The following ACOT12 variants were observed in gnomAD, a reference collection of about 807,000 sequenced individuals.
ACOT12 encodes the protein acetyl-coenzyme A thioesterase.
ACOT12 carries 51 observed loss-of-function variants against 67.7 expected under a neutral mutation model. The observed-to-expected ratio is 0.75, with a 90% CI of 0.60 to 0.95. The LOEUF is 0.95. Ranked by LOEUF, ACOT12 falls within the 40% of genes least tolerant of loss-of-function variation. The pLI is 0.00. For missense variants in ACOT12, 734 were observed against 708.1 expected (o/e 1.04, Z -0.41); for synonymous variants, 251 against 244.6 (o/e 1.03, Z -0.24).
At chr5:81,360,835 T>C (rs771911920) in intron 4 of ACOT12, among the ~76,000 whole-genome samples, 16 of 151,952 alleles carry the variant, frequency 1.1e-4, no homozygotes, top group Non-Finnish European at 1.6e-4. Flanking sequence ...CTGAGGTGGG[T>C]GAATCACTTG....
chr5:81,382,027 G>GTA (rs1284396512), intron 2 of ACOT12, among the ~76,000 whole-genome samples: 2 of 151,996 alleles, frequency 1.3e-5, no homozygotes, highest in African/African-American at 4.8e-5. Context: ...TAATTAATGT[G>GTA]TATATACATA....
At chr5:81,366,043 G>T (rs976173348) in intron 3 of ACOT12, among the ~76,000 whole-genome samples, 2 of 152,172 alleles carry the variant, frequency 1.3e-5, no homozygotes, top group Non-Finnish European at 2.9e-5. Flanking sequence ...ACACAGCTGG[G>T]GATCTTTTGA....
chr5:81,365,422 A>G (rs1485747944), intron 3 of ACOT12, among the ~76,000 whole-genome samples: 2 of 152,198 alleles, frequency 1.3e-5, no homozygotes, highest in Admixed American at 6.6e-5. Flanking sequence ...TCAACCCTCA[A>G]TCCCACACAG....
At chr5:81,384,953 T>C (rs530215246) in intron 2 of ACOT12, among the ~76,000 whole-genome samples, 1 of 152,326 alleles carries the variant, frequency 6.6e-6, no homozygotes, top group East Asian at 1.9e-4. Context: ...AACCTAAATA[T>C]GTATGTTTGA....
At chr5:81,333,083 CAACA>C (rs546990454) in intron 12 of ACOT12, among the ~76,000 whole-genome samples, 4 of 133,890 alleles carry the variant, frequency 3.0e-5, no homozygotes, top group African/African-American at 1.3e-4. Context: ...AAAAAAGCCA[CAACA>C]AACAAACAAA....
chr5:81,385,044 C>G (rs1760690835), intron 2 of ACOT12, among the ~76,000 whole-genome samples: 1 of 152,176 alleles, frequency 6.6e-6, no homozygotes, highest in African/African-American at 2.4e-5. Flanking sequence ...ATAATTTACT[C>G]TCTCTACTCA....
chr5:81,387,835 ATGCCCGGCTG>A (rs1362859570), intron 1 of ACOT12, among the ~76,000 whole-genome samples: 1 of 152,226 alleles, frequency 6.6e-6, no homozygotes, highest in Non-Finnish European at 1.5e-5. Context: ...GTGAGCCACC[ATGCCCGGCTG>A]AGTTATCAAT....
At chr5:81,338,638 C>T (rs1580534197) in intron 11 of ACOT12, among the ~76,000 whole-genome samples, 1 of 152,058 alleles carries the variant, frequency 6.6e-6, no homozygotes, top group East Asian at 1.9e-4. Flanking sequence ...AATACGCCAA[C>T]TCAAACGTTT....
At chr5:81,381,228 A>G (rs578089536) in intron 2 of ACOT12, among the ~76,000 whole-genome samples, 5 of 152,158 alleles carry the variant, frequency 3.3e-5, no homozygotes, top group African/African-American at 1.2e-4. Flanking sequence ...CACCACACCC[A>G]GCTAATTTTT....
At position 81,382,617 on chromosome 5, in the gene ACOT12, T is replaced by C. The variant is rs13355076; in HGVS notation, c.197+3140A>G. 9.9e-3 allele frequency among the ~76,000 whole-genome samples: 1,507 copies of C among 151,750 alleles called. 29 individuals are homozygous for C. The highest frequency in any genetic ancestry group is 0.035 in the African/African-American group (1,432 of 41,352). On this transcript the variant is annotated intron_variant, in intron 2 of 14. Transcript: ENST00000307624. The stretch of plus-strand genomic sequence containing the variant: ...TTTGAGACCAGCCTGGCCAACATGA[T>C]GAAACCCCATCTCTACTAAAAAATA...
chr5:81,367,736 T>C (rs114485855), intron 3 of ACOT12, among the ~76,000 whole-genome samples: 1,617 of 152,096 alleles, frequency 0.011, 34 homozygotes, highest in African/African-American at 0.036. Flanking sequence ...GATAATCAAA[T>C]GTAAATAGTT....
rs147070236 is a variant in ACOT12, at chr5:81,345,025, G to A, written c.790C>T (p.Arg264Cys). ...TFQTCVEVGV[R>C]VEAFDCQEWA... ...TCCTGACAGTCAAAGGCCTCCACGC[G>A]AACTCCAACTTCAACACTGTGAAGG... Residue 264 changes from arginine to cysteine, a missense_variant, in exon 8 of 15, where the codon CGC becomes TGC. Transcript: ENST00000307624. The A allele has an allele frequency of 3.1e-3, 5,058 of 1,614,078 alleles. 9 individuals carry two copies. The highest frequency in any genetic ancestry group is 4.0e-3 in the Non-Finnish European group (4,672 of 1,179,986).
At position 81,380,962 on chromosome 5, in the gene ACOT12, G is replaced by A. The variant is rs559078352; in HGVS notation, c.197+4795C>T. ...CCTAGGCTACAAACCTGTAGAGGAT[G>A]TTATTGTGCTGAATACTGTAGGTAA... On this transcript the variant is annotated intron_variant, in intron 2 of 14. Transcript: ENST00000307624. Among the ~76,000 whole-genome samples, 16 of 152,220 alleles carry A rather than the reference G, an allele frequency of 1.1e-4. No individual in the cohort carries two copies. The East Asian group carries it at 1.9e-3, about 18-fold the overall frequency.
At chr5:81,361,309 C>G (rs905465330) in intron 4 of ACOT12, among the ~76,000 whole-genome samples, 3 of 151,354 alleles carry the variant, frequency 2.0e-5, no homozygotes, top group African/African-American at 7.3e-5. Flanking sequence ...AACTCTTGGG[C>G]TCAAGGGATC....
chr5:81,393,156 T>C (rs958247190), intron 1 of ACOT12, among the ~76,000 whole-genome samples: 1 of 152,170 alleles, frequency 6.6e-6, no homozygotes, highest in Non-Finnish European at 1.5e-5. Context: ...AAGGGTGTGG[T>C]AGCAGCAGGG....
chr5:81,361,870 G>T (rs10040901), intron 4 of ACOT12, among the ~76,000 whole-genome samples: 3 of 152,070 alleles, frequency 2.0e-5, no homozygotes, highest in Admixed American at 1.3e-4. Flanking sequence ...TTTTAATCAG[G>T]GTACATTATG....
chr5:81,371,740 T>C lies in ACOT12; in HGVS notation c.258+10A>G. ...ACCAACAGGCAGATGTTTGAAAAGG[T>C]GCCTCTTACCTCCATGCTTGTGCTG... On this transcript the variant is annotated intron_variant, in intron 3 of 14. Coordinates refer to ENST00000307624, the MANE Select transcript of ACOT12 (RefSeq NM_130767.3). 2 of 1,613,656 alleles carry C rather than the reference T, an allele frequency of 1.2e-6. No individual in the cohort carries two copies. The highest frequency in any genetic ancestry group is 1.7e-6 in the Non-Finnish European group (2 of 1,179,558).
chr5:81,347,987 C>T, intron 5 of ACOT12, 57 bp from the exon 6 acceptor site: 1 of 1,544,368 alleles, frequency 6.5e-7, no homozygotes, highest in South Asian at 1.2e-5. Context: ...CCCTGGGGCT[C>T]CAGCTTTTCC....
At chr5:81,321,025 G>A in the ACOT12 span, among the ~76,000 whole-genome samples, 1 of 152,100 alleles carries the variant, frequency 6.6e-6, no homozygotes, top group Non-Finnish European at 1.5e-5. Flanking sequence ...GGAGGCCCAG[G>A]TGGGTGGATC....
Sources: gnomAD v4.1 joint callset for allele counts (sites outside exome capture counted in the v4.1 genomes callset) on GRCh38, gnomAD v4.1.1 for gene constraint, MANE v1.5 for transcripts, NCBI Gene and HGNC (gene_info 2026-07-23, HGNC 2026-07-21) for gene names.